SETD3: variants seen among roughly 807,000 people sequenced by gnomAD.
SETD3 encodes SET domain containing 3, actin N3(tau)-histidine methyltransferase.
A neutral mutation model predicts 63.0 loss-of-function variants in SETD3; 19 were observed. That is an observed-to-expected ratio of 0.30 (90% CI 0.21 to 0.44). SETD3 has a LOEUF of 0.44. SETD3 is among the 20% of genes least tolerant of loss of function. The pLI is 1.00. For synonymous variants in SETD3, 286 were observed against 264.1 expected (o/e 1.08, Z -0.80); for missense variants, 587 against 728.5 (o/e 0.81, Z 2.24).
chr14:99,435,905 G>A (rs1306087327), intron 6 of SETD3, among the ~76,000 whole-genome samples: 5 of 152,088 alleles, frequency 3.3e-5, no homozygotes, highest in Admixed American at 1.3e-4. Context: ...CTCACACTGC[G>A]ATGAAGAACT....
At chr14:99,422,856 C>G (rs544329227) in intron 6 of SETD3, among the ~76,000 whole-genome samples, 32 of 152,296 alleles carry the variant, frequency 2.1e-4, no homozygotes, top group Non-Finnish European at 3.1e-4. Context: ...AAACCCTTCC[C>G]CCATCAAAGG....
chr14:99,465,871 T>C, intron 1 of SETD3, 58 bp from the exon 2 acceptor site: 1 of 1,120,880 alleles, frequency 8.9e-7, no homozygotes, highest in Admixed American at 1.8e-5. Context: ...CAAAATCAAG[T>C]AATAAAACAT....
At position 99,405,281 on chromosome 14, in the gene SETD3, T is replaced by C. The variant is rs1246637344; in HGVS notation, c.1015A>G (p.Ile339Val). The C allele has an allele frequency of 6.2e-7, 1 of 1,614,220 alleles. No homozygotes were observed. The highest frequency in any genetic ancestry group is 8.5e-7 in the Non-Finnish European group (1 of 1,180,036). Reference protein sequence around the residue: ...FDNNSHDRVKIKLGVSKSDRL... With the variant: ...FDNNSHDRVKVKLGVSKSDRL... ...TCACTTTTACTCACTCCAAGCTTTA[T>C]TTTCACTCTGTCGTGTGAGTTATTG... The change falls in exon 10 of 13, where the codon ATA becomes GTA. Residue 339 changes from isoleucine to valine, a missense_variant. Coordinates refer to ENST00000331768, the MANE Select transcript of SETD3 (RefSeq NM_032233.3).
chr14:99,427,619 C>T (rs950072635), intron 6 of SETD3, among the ~76,000 whole-genome samples: 16 of 152,218 alleles, frequency 1.1e-4, no homozygotes, highest in African/African-American at 3.9e-4. Context: ...ATTTCTGCAG[C>T]TTCAGAGCCA....
At chr14:99,467,796 C>T (rs144783496) in intron 1 of SETD3, among the ~76,000 whole-genome samples, 1,561 of 152,236 alleles carry the variant, frequency 0.01, 14 homozygotes, top group Non-Finnish European at 0.013. Flanking sequence ...TGTTCTGCAC[C>T]GGCCCTCACA....
In SETD3 at chr14:99,458,512, T is replaced by G; in HGVS notation, c.442A>C (p.Ile148Leu). ...GCGATGTTTCCCATGGCTTGAAGGA[T>G]TCGGTCTTGAGAATATAAGGGCCCT... ...VLGPLYSQDR[I>L]LQAMGNIALA... Residue 148 changes from isoleucine to leucine, a missense_variant, in exon 6 of 13, where the codon ATC (isoleucine) becomes CTC (leucine). Physicochemically the swap from Ile to Leu is conservative, Grantham distance 5. Transcript: ENST00000331768. 1 of 1,614,140 alleles carries G rather than the reference T, an allele frequency of 6.2e-7. No individual in the cohort carries two copies. Among genetic ancestry groups the G allele is most frequent in the Non-Finnish European group, 8.5e-7 (1 of 1,180,012 alleles).
intron 6 of SETD3, among the ~76,000 whole-genome samples, chr14:99,429,415 C>T (rs148547095): frequency 1.6e-3 from 243 of 152,192 alleles, no homozygotes; most frequent in African/African-American, 5.6e-3. Context: ...ACTGGTGAGA[C>T]GCAGGGGAAA....
chr14:99,470,819 C>T (rs1895660596), intron 1 of SETD3, among the ~76,000 whole-genome samples: 1 of 152,168 alleles, frequency 6.6e-6, no homozygotes, highest in Non-Finnish European at 1.5e-5. Context: ...ACTCAAAGCA[C>T]CTTGAAGGCA....
chr14:99,417,732 C>T (rs1892358637), intron 6 of SETD3, among the ~76,000 whole-genome samples: 1 of 152,172 alleles, frequency 6.6e-6, no homozygotes, highest in Non-Finnish European at 1.5e-5. Flanking sequence ...AACAGCTCTG[C>T]ACAGGAACAA....
chr14:99,463,023 T>C (rs1895159237), intron 3 of SETD3, among the ~76,000 whole-genome samples: 1 of 152,218 alleles, frequency 6.6e-6, no homozygotes, highest in African/African-American at 2.4e-5. Flanking sequence ...CAATGGCGAC[T>C]GCATACGTCC....
intron 3 of SETD3, among the ~76,000 whole-genome samples, chr14:99,462,034 T>TTGCAG (rs1895093111): frequency 1.3e-5 from 2 of 152,282 alleles, no homozygotes; most frequent in South Asian, 4.1e-4. Flanking sequence ...ATGAACACCC[T>TTGCAG]GCAAGGAGGG....
intron 11 of SETD3, among the ~76,000 whole-genome samples, chr14:99,401,281 G>C (rs1891375249): frequency 6.6e-6 from 1 of 152,186 alleles, no homozygotes; most frequent in Non-Finnish European, 1.5e-5. Context: ...AAAGAATTCA[G>C]CAACTGCTCT....
chr14:99,436,896 T>C (rs1008076930), intron 6 of SETD3, among the ~76,000 whole-genome samples: 1 of 152,220 alleles, frequency 6.6e-6, no homozygotes, highest in Non-Finnish European at 1.5e-5. Flanking sequence ...GCTTAAAACA[T>C]TTCCACAGCT....
chr14:99,427,006 G>A (rs908612688), intron 6 of SETD3, among the ~76,000 whole-genome samples: 2 of 152,212 alleles, frequency 1.3e-5, no homozygotes, highest in Admixed American at 6.5e-5. Context: ...GAAGCAGGCG[G>A]TGATGTCAGG....
At chr14:99,468,536 C>T (rs891873887) in intron 1 of SETD3, among the ~76,000 whole-genome samples, 1 of 152,128 alleles carries the variant, frequency 6.6e-6, no homozygotes, top group African/African-American at 2.4e-5. Context: ...GGGTCAGTCA[C>T]CCTGGAATAA....
At chr14:99,439,637 A>T (rs995106553) in intron 6 of SETD3, among the ~76,000 whole-genome samples, 10 of 147,852 alleles carry the variant, frequency 6.8e-5, no homozygotes, top group Non-Finnish European at 1.3e-4. Flanking sequence ...TTATATTTTT[A>T]TATATACATA....
chr14:99,454,563 C>G (rs992438118), intron 6 of SETD3, among the ~76,000 whole-genome samples: 1 of 152,192 alleles, frequency 6.6e-6, no homozygotes, highest in African/African-American at 2.4e-5. Context: ...AACCAAATAA[C>G]ATGGCCTGAG....
chr14:99,470,190 T>C (rs1447401974), intron 1 of SETD3, among the ~76,000 whole-genome samples: 1 of 152,196 alleles, frequency 6.6e-6, no homozygotes, highest in Admixed American at 6.5e-5. Context: ...GGCAAGATTT[T>C]TCACATACTT....
intron 6 of SETD3, among the ~76,000 whole-genome samples, chr14:99,439,204 T>G (rs951877487): frequency 2.0e-5 from 3 of 152,222 alleles, no homozygotes; most frequent in Admixed American, 2.0e-4. Context: ...AACAGGCTTC[T>G]CAGCTCCAGG....
Sources: gnomAD v4.1 joint callset for allele counts (sites outside exome capture counted in the v4.1 genomes callset) on GRCh38, gnomAD v4.1.1 for gene constraint, MANE v1.5 for transcripts, NCBI Gene and HGNC (gene_info 2026-07-23, HGNC 2026-07-21) for gene names.